Variants in TRDN observed in about 807,000 individuals in gnomAD.
TRDN encodes the protein triadin, also known as triadin in skeletal muscle.
A neutral mutation model predicts 149.7 loss-of-function variants in TRDN; 161 were observed. The ratio of observed to expected loss-of-function variants is 1.08; its 90% CI spans 0.95 to 1.23. The LOEUF (loss-of-function observed/expected upper bound fraction) is 1.23. Among genes scored for constraint, TRDN ranks in the 50% most tolerant of loss-of-function variants. TRDN has a pLI of 0.00. For missense variants in TRDN, 896 were observed against 823.5 expected, an observed-to-expected ratio of 1.09 and a Z score of -1.08; for synonymous variants, 294 against 250.5, an observed-to-expected ratio of 1.17 and a Z score of -1.64.
chr6:123,495,485 C>T (rs767422086), intron 9 of TRDN, among the ~76,000 whole-genome samples: 5 of 151,826 alleles, frequency 3.3e-5, no homozygotes, highest in Non-Finnish European at 5.9e-5. Context: ...CACCATTGCA[C>T]TCCAGCCTGA....
chr6:123,366,196 T>C lies in TRDN; in HGVS notation c.1274-14A>G, dbSNP rs1781094088. ...CTCGTTCAGTTTCTGCAAGTTCAGA[T>C]ATTAAAGGAATGAGAAGTGGATATT... On this transcript the variant is annotated splice_polypyrimidine_tract_variant and intron_variant, in intron 19 of 40. Coordinates refer to ENST00000334268, the MANE Select transcript of TRDN (RefSeq NM_006073.4). The C allele has an allele frequency of 1.9e-6, 3 of 1,612,386 alleles. No homozygotes were observed. Among genetic ancestry groups the C allele is most frequent in the African/African-American group, 1.3e-5 (1 of 74,998 alleles).
chr6:123,388,880 C>T (rs1184467176), intron 13 of TRDN, among the ~76,000 whole-genome samples: 1 of 151,862 alleles, frequency 6.6e-6, no homozygotes. Context: ...TCTAGAAGGT[C>T]GTAAAATATA....
At chr6:123,517,622 T>C (rs1216949786) in intron 5 of TRDN, among the ~76,000 whole-genome samples, 1 of 152,100 alleles carries the variant, frequency 6.6e-6, no homozygotes, top group Non-Finnish European at 1.5e-5. Flanking sequence ...CCTTGAACTT[T>C]ATATTCTCAT....
intron 9 of TRDN, among the ~76,000 whole-genome samples, chr6:123,477,714 G>A (rs573123228): frequency 1.3e-5 from 2 of 152,162 alleles, no homozygotes; most frequent in South Asian, 4.2e-4. Flanking sequence ...TATACACCAT[G>A]GAATACTATG....
chr6:123,586,850 G>T (rs1054269902), intron 1 of TRDN, among the ~76,000 whole-genome samples: 1 of 151,942 alleles, frequency 6.6e-6, no homozygotes. Context: ...GCGGGAAAGG[G>T]GTCGGGGCAC....
chr6:123,538,696 A>G (rs74588582), intron 4 of TRDN, among the ~76,000 whole-genome samples: 2 of 152,138 alleles, frequency 1.3e-5, no homozygotes, highest in Non-Finnish European at 2.9e-5. Context: ...ATTACTTGGT[A>G]AGATAAGCTG....
chr6:123,378,010 A>T (rs1421074258), intron 16 of TRDN, 112 bp from the exon 17 acceptor site: 2 of 662,348 alleles, frequency 3.0e-6, no homozygotes, highest in African/African-American at 3.7e-5. Flanking sequence ...GCCAGATTGC[A>T]GCAACTAATA....
intron 1 of TRDN, among the ~76,000 whole-genome samples, chr6:123,596,839 ATATT>A (rs1162802427): frequency 6.6e-6 from 1 of 152,034 alleles, no homozygotes; most frequent in African/African-American, 2.4e-5. Context: ...ATATATGTAT[ATATT>A]TCTTTCAAAA....
In TRDN at chr6:123,636,813, C is replaced by T. The variant is rs1364782840; in HGVS notation, c.-38G>A. The T allele has an allele frequency of 2.5e-6, 4 of 1,610,922 alleles. No homozygotes were observed. The highest frequency in any genetic ancestry group is 2.2e-5 in the East Asian group (1 of 44,674). On this transcript the variant is annotated 5_prime_UTR_variant, in exon 1 of 41. Transcript: ENST00000334268. ...AAGTAAAAGTCAGTTGAAAAGTTCC[C>T]GTCAAGTTGCACTTTGCAGAGTATT...
At chr6:123,294,550 T>C (rs563969783) in intron 24 of TRDN, among the ~76,000 whole-genome samples, 1 of 152,308 alleles carries the variant, frequency 6.6e-6, no homozygotes, top group Non-Finnish European at 1.5e-5. Flanking sequence ...ATTCTCATAA[T>C]GAGCATGCAA....
At chr6:123,560,584 C>T (rs968916026) in intron 2 of TRDN, among the ~76,000 whole-genome samples, 4 of 152,158 alleles carry the variant, frequency 2.6e-5, no homozygotes, top group African/African-American at 7.2e-5. Context: ...CAAAAGGGCT[C>T]AGATCCCATC....
Position 123,579,777 on chromosome 6 carries a change from AT to A in TRDN, c.23-8646del, listed in dbSNP as rs34994329. 2.4e-3 allele frequency among the ~76,000 whole-genome samples: 363 copies of A among 152,260 alleles called. 2 individuals carry two copies. Among genetic ancestry groups the A allele is most frequent in the African/African-American group, 8.5e-3 (355 of 41,558 alleles). ...TCAAGAGAGAGACCAGGTGGAATTA[AT>A]TGAATCACGGGGGCAGTTTCCCCCA... On this transcript the variant is annotated intron_variant, in intron 1 of 40. Coordinates refer to ENST00000334268, the MANE Select transcript of TRDN (RefSeq NM_006073.4).
intron 10 of TRDN, among the ~76,000 whole-genome samples, chr6:123,460,396 G>A (rs1776381240): frequency 6.6e-6 from 1 of 152,090 alleles, no homozygotes; most frequent in African/African-American, 2.4e-5. Context: ...ATCTAACTGT[G>A]CTAGAAAATG....
rs112218376 is a variant in TRDN at position 123,460,055 on chromosome 6, C to A, written c.931+4851G>T. Among the ~76,000 whole-genome samples the A allele has an allele frequency of 9.6e-3, 1,462 of 152,292 alleles. 17 individuals are homozygous for A. Among genetic ancestry groups the A allele is most frequent in the Non-Finnish European group, 0.015 (1,006 of 68,024 alleles). On this transcript the variant is annotated intron_variant, in intron 10 of 40. Coordinates refer to ENST00000334268, the MANE Select transcript of TRDN (RefSeq NM_006073.4). ...TTATACTCCCAACTCTTAAGCTCAC[C>A]ACTCACCAATTCATCCTTTCTATAG... is the stretch of plus-strand genomic sequence containing the variant.
Position 123,496,983 on chromosome 6 carries a change from T to C in TRDN, c.853+210A>G, listed in dbSNP as rs1023528488. On this transcript the variant is annotated intron_variant, in intron 9 of 40. Transcript: ENST00000334268. ...ATTAGCACATATTTTACATTTCAACTGACTTCATTTGCAATAGGCCATGCA... is the reference window on the plus strand; with the variant it reads ...ATTAGCACATATTTTACATTTCAACCGACTTCATTTGCAATAGGCCATGCA... 2.0e-5 allele frequency among the ~76,000 whole-genome samples: 3 copies of C among 152,094 alleles called. No individual in the cohort carries two copies. The South Asian group carries it at 6.2e-4, about 31-fold the overall frequency.
chr6:123,304,294 C>T (rs1355048358), intron 24 of TRDN, among the ~76,000 whole-genome samples: 4 of 138,858 alleles, frequency 2.9e-5, no homozygotes, highest in Middle Eastern at 4.9e-3. Context: ...TGCTCTGTTG[C>T]CAGACTGGAG....
At chr6:123,523,976 A>T (rs1021174246) in intron 5 of TRDN, among the ~76,000 whole-genome samples, 9 of 152,144 alleles carry the variant, frequency 5.9e-5, no homozygotes, top group African/African-American at 2.2e-4. Context: ...AGTTCAACAG[A>T]CAGTGATTCT....
intron 14 of TRDN, among the ~76,000 whole-genome samples, chr6:123,384,535 C>G (rs1193261424): frequency 1.3e-5 from 2 of 152,144 alleles, no homozygotes; most frequent in Admixed American, 1.3e-4. Flanking sequence ...TCCCTATATT[C>G]TCTGACCAGA....
intron 24 of TRDN, among the ~76,000 whole-genome samples, chr6:123,292,535 A>C (rs1778046036): frequency 6.6e-6 from 1 of 152,056 alleles, no homozygotes; most frequent in African/African-American, 2.4e-5. Context: ...ATAAAATATT[A>C]CTCTTCTTCA....
Sources: gnomAD v4.1 joint callset for allele counts (sites outside exome capture counted in the v4.1 genomes callset) on GRCh38, gnomAD v4.1.1 for gene constraint, MANE v1.5 for transcripts, NCBI Gene and HGNC (gene_info 2026-07-23, HGNC 2026-07-21) for gene names.